CDYL: variants seen among roughly 807,000 people sequenced by gnomAD.
The protein encoded by CDYL is chromodomain Y like, also known as chromodomain Y-like protein.
A neutral mutation model predicts 47.3 loss-of-function variants in CDYL; 8 were observed. The ratio of observed to expected loss-of-function variants is 0.17; its 90% CI spans 0.10 to 0.31. CDYL has a LOEUF of 0.31. Ranked by LOEUF, CDYL falls within the 10% of genes least tolerant of loss-of-function variation. CDYL has a pLI of 1.00. For synonymous variants in CDYL, 266 were observed against 265.0 expected (o/e 1.00, Z -0.04); for missense variants, 471 against 701.4 (o/e 0.67, Z 3.71).
intron 3 of CDYL, among the ~76,000 whole-genome samples, chr6:4,742,081 C>T (rs1022943718): frequency 5.9e-5 from 9 of 152,308 alleles, no homozygotes; most frequent in Admixed American, 4.6e-4. Context: ...CAGGGAAAGG[C>T]TGGGTGTGGT....
intron 1 of CDYL, among the ~76,000 whole-genome samples, chr6:4,805,460 C>T (rs888896194): frequency 3.3e-5 from 5 of 152,138 alleles, no homozygotes; most frequent in East Asian, 3.8e-4. Context: ...TCCAGAGAAA[C>T]GAACCCATAG....
At chr6:4,723,426 G>A (rs910592910) in intron 2 of CDYL, among the ~76,000 whole-genome samples, 7 of 152,168 alleles carry the variant, frequency 4.6e-5, no homozygotes, top group African/African-American at 1.7e-4. Context: ...CAAACTGGGC[G>A]ATCTGACGAC....
At chr6:4,720,368 G>A (rs573832903) in intron 2 of CDYL, among the ~76,000 whole-genome samples, 8 of 152,256 alleles carry the variant, frequency 5.3e-5, no homozygotes, top group East Asian at 1.9e-4. Flanking sequence ...TTTCCGTTGT[G>A]AAATCCGATT....
At chr6:4,796,017 T>G (rs540093544) in intron 1 of CDYL, among the ~76,000 whole-genome samples, 2 of 152,132 alleles carry the variant, frequency 1.3e-5, no homozygotes, top group Non-Finnish European at 2.9e-5. Flanking sequence ...TGCGGTGCAG[T>G]GGTGTGATCT....
intron 1 of CDYL, among the ~76,000 whole-genome samples, chr6:4,824,734 T>G (rs1044396732): frequency 4.6e-5 from 7 of 152,196 alleles, no homozygotes; most frequent in Non-Finnish European, 1.0e-4. Flanking sequence ...TTTACCTATT[T>G]TTTTTTCTTT....
intron 2 of CDYL, among the ~76,000 whole-genome samples, chr6:4,722,864 T>G (rs1757397598): frequency 6.6e-6 from 1 of 152,040 alleles, no homozygotes; most frequent in Non-Finnish European, 1.5e-5. Flanking sequence ...GTGATAAGAG[T>G]GAGACATTGT....
intron 3 of CDYL, 26 bp from the exon 4 acceptor site, chr6:4,937,539 C>T (rs753756537): frequency 2.0e-4 from 304 of 1,496,538 alleles, no homozygotes; most frequent in Admixed American, 6.4e-4. Context: ...ATATTCTTTG[C>T]CACTTTAACT....
At position 4,914,476 on chromosome 6, in the gene CDYL, T is replaced by C. The variant is rs368508779; in HGVS notation, c.692-21039T>C. Among the ~76,000 whole-genome samples the C allele has an allele frequency of 3.2e-3, 492 of 152,312 alleles. 1 individual carries two copies. The highest frequency in any genetic ancestry group is 0.011 in the African/African-American group (476 of 41,562). The stretch of plus-strand genomic sequence containing the variant: ...CAGCTGAGTTTCTTACTATTATCTG[T>C]CTCTTGTGTTCTGCCGCAGTTGAGA... On this transcript the variant is annotated intron_variant, in intron 2 of 6. Transcript: ENST00000397588.
At chr6:4,894,141 A>G (rs1184784411) in intron 2 of CDYL, among the ~76,000 whole-genome samples, 1 of 152,208 alleles carries the variant, frequency 6.6e-6, no homozygotes, top group East Asian at 1.9e-4. Flanking sequence ...GACTCACTTA[A>G]TAGCACGCTC....
At chr6:4,848,687 T>C (rs1047162629) in intron 1 of CDYL, among the ~76,000 whole-genome samples, 1 of 152,232 alleles carries the variant, frequency 6.6e-6, no homozygotes, top group African/African-American at 2.4e-5. Flanking sequence ...TGTGTGGCTA[T>C]TTATAGCTGC....
At chr6:4,933,522 A>T (rs565252625) in intron 2 of CDYL, among the ~76,000 whole-genome samples, 1 of 152,306 alleles carries the variant, frequency 6.6e-6, no homozygotes, top group Non-Finnish European at 1.5e-5. Context: ...AGAGGTGAAG[A>T]CAGCAAGTGC....
chr6:4,759,828 G>A (rs537287437), intron 3 of CDYL, among the ~76,000 whole-genome samples: 26 of 126,412 alleles, frequency 2.1e-4, no homozygotes, highest in South Asian at 5.5e-4. Flanking sequence ...GCAGTGAGCC[G>A]AGATCACGCC....
intron 1 of CDYL, 121 bp downstream of exon 1, chr6:4,776,928 C>G (rs1459256144): frequency 3.4e-6 from 1 of 297,878 alleles, no homozygotes; most frequent in Non-Finnish European, 4.9e-6. Flanking sequence ...CCGCCGCGGC[C>G]GCAGTTTGCT....
intron 3 of CDYL, among the ~76,000 whole-genome samples, chr6:4,744,201 A>G (rs1372839971): frequency 2.0e-5 from 3 of 152,196 alleles, no homozygotes; most frequent in Non-Finnish European, 4.4e-5. Flanking sequence ...TGACTATAAA[A>G]TTGCTAAATA....
chr6:4,724,036 C>G (rs181944999), intron 2 of CDYL, among the ~76,000 whole-genome samples: 2 of 152,086 alleles, frequency 1.3e-5, no homozygotes, highest in Non-Finnish European at 1.5e-5. Flanking sequence ...CTGCATCTGT[C>G]CCCTCACTTT....
At chr6:4,937,827 G>T in intron 4 of CDYL, 90 bp downstream of exon 4, 1 of 981,644 alleles carries the variant, frequency 1.0e-6, no homozygotes. Context: ...CAAGCCTTGA[G>T]AATAAGATAC....
intron 2 of CDYL, among the ~76,000 whole-genome samples, chr6:4,930,242 G>A (rs1213294598): frequency 2.0e-5 from 3 of 152,212 alleles, no homozygotes; most frequent in Non-Finnish European, 2.9e-5. Context: ...TCACTGCCCA[G>A]CCTTGTGGAA....
In CDYL at chr6:4,895,118, C is replaced by CAT. The variant is rs199826525; in HGVS notation, c.691+2746_691+2747dup. Reference sequence around the variant, plus strand: ...ACATGTGTGTATATGTATCTATATGCATATATATGTGCATGTGTGTATATG... The same window carrying CAT: ...ACATGTGTGTATATGTATCTATATGCATATATATATGTGCATGTGTGTATATG... On this transcript the variant is annotated intron_variant, in intron 2 of 6. Coordinates refer to ENST00000397588, the MANE Select transcript of CDYL (RefSeq NM_004824.4). Among the ~76,000 whole-genome samples, 646 of 146,468 alleles carry CAT rather than the reference C, an allele frequency of 4.4e-3. 2 individuals are homozygous for CAT. Among genetic ancestry groups the CAT allele is most frequent in the Non-Finnish European group, 7.0e-3 (457 of 65,510 alleles).
chr6:4,749,412 TGATG>T (rs1000577326), intron 3 of CDYL, among the ~76,000 whole-genome samples: 4 of 151,156 alleles, frequency 2.6e-5, no homozygotes, highest in Non-Finnish European at 4.4e-5. Flanking sequence ...AATGAATGTA[TGATG>T]GATGGATGGA....
Sources: allele counts gnomAD v4.1 joint callset (sites outside exome capture counted in the v4.1 genomes callset), GRCh38; gene constraint gnomAD v4.1.1; transcripts MANE v1.5; gene names NCBI Gene and HGNC (gene_info 2026-07-23, HGNC 2026-07-21).